Variants in SNTG1 observed in about 807,000 individuals in gnomAD.
The protein encoded by SNTG1 is gamma-1-syntrophin.
In SNTG1, 39 loss-of-function variants were observed where a neutral mutation model predicts 74.7. That is an observed-to-expected ratio of 0.52 (90% CI 0.40 to 0.68). SNTG1 has a LOEUF of 0.68. Among genes scored for constraint, SNTG1 ranks in the 30% least tolerant of loss-of-function variants. The pLI, the probability that SNTG1 is intolerant of heterozygous loss-of-function variation, is 0.00. For missense variants in SNTG1, 685 were observed against 609.5 expected (o/e 1.12, Z -1.30); for synonymous variants, 254 against 217.1 (o/e 1.17, Z -1.49).
chr8:50,075,771 A>C (rs1821813830), intron 1 of SNTG1, among the ~76,000 whole-genome samples: 1 of 152,180 alleles, frequency 6.6e-6, no homozygotes, highest in Admixed American at 6.5e-5. Context: ...ACCCCCTGGG[A>C]GGAATGAACA....
chr8:50,687,581 A>T (rs1374758241), intron 15 of SNTG1, among the ~76,000 whole-genome samples: 1 of 145,840 alleles, frequency 6.9e-6, no homozygotes, highest in Non-Finnish European at 1.5e-5. Flanking sequence ...TTCTTTTTTT[A>T]TTATTATAAT....
intron 12 of SNTG1, among the ~76,000 whole-genome samples, chr8:50,567,819 A>G (rs116355349): frequency 0.032 from 4,822 of 152,188 alleles, 122 homozygotes; most frequent in African/African-American, 0.058. Flanking sequence ...TTTTACAGTC[A>G]TTACATTAAA....
At chr8:50,399,895 T>G (rs1476464597) in intron 3 of SNTG1, among the ~76,000 whole-genome samples, 2 of 152,216 alleles carry the variant, frequency 1.3e-5, no homozygotes, top group Non-Finnish European at 2.9e-5. Context: ...AGCACTTGTG[T>G]GCTAATGCCA....
chr8:50,594,191 A>T (rs1237509171), intron 13 of SNTG1, among the ~76,000 whole-genome samples: 1 of 152,196 alleles, frequency 6.6e-6, no homozygotes, highest in Admixed American at 6.5e-5. Flanking sequence ...GTAAAGGCAT[A>T]TAGGCCCAGA....
At chr8:50,663,642 CT>C (rs952961720) in intron 15 of SNTG1, among the ~76,000 whole-genome samples, 1 of 152,182 alleles carries the variant, frequency 6.6e-6, no homozygotes, top group Non-Finnish European at 1.5e-5. Context: ...AAAAGACAAC[CT>C]GCATTTTCAA....
chr8:50,286,621 G>T (rs1043322582), intron 2 of SNTG1: 1 of 152,198 alleles, frequency 6.6e-6, no homozygotes, highest in African/African-American at 2.4e-5. Flanking sequence ...GAGCCGGGTT[G>T]TCGGCTTCAA....
chr8:50,660,349 AAAG>A (rs2095213483), intron 15 of SNTG1, among the ~76,000 whole-genome samples: 1 of 142,460 alleles, frequency 7.0e-6, no homozygotes, highest in South Asian at 2.4e-4. Flanking sequence ...AAAGAGAAAG[AAAG>A]AAAGAAAGAG....
chr8:50,645,369 G>T (rs1406663419), intron 13 of SNTG1, among the ~76,000 whole-genome samples: 1 of 151,716 alleles, frequency 6.6e-6, no homozygotes, highest in Non-Finnish European at 1.5e-5. Flanking sequence ...TTCCTAACTA[G>T]CCACCTAATG....
chr8:49,995,430 G>C (rs1221174551), intron 1 of SNTG1, among the ~76,000 whole-genome samples: 1 of 152,182 alleles, frequency 6.6e-6, no homozygotes, highest in Non-Finnish European at 1.5e-5. Flanking sequence ...GAGAACTGGA[G>C]AGAGTATTGA....
chr8:50,513,926 A>G (rs2094109227), intron 9 of SNTG1, among the ~76,000 whole-genome samples: 1 of 152,070 alleles, frequency 6.6e-6, no homozygotes, highest in South Asian at 2.1e-4. Context: ...ACTCTCCTGC[A>G]CCCACTTTTT....
chr8:49,956,464 T>C (rs79225859), intron 1 of SNTG1, among the ~76,000 whole-genome samples: 3,724 of 152,314 alleles, frequency 0.024, 148 homozygotes, highest in African/African-American at 0.082. Flanking sequence ...TAAGTAAGTT[T>C]GGTTCAGCTG....
intron 1 of SNTG1, among the ~76,000 whole-genome samples, chr8:50,145,738 T>C (rs868179880): frequency 6.6e-6 from 1 of 152,148 alleles, no homozygotes; most frequent in African/African-American, 2.4e-5. Flanking sequence ...AATTTCCTTA[T>C]TGTCAAAAGC....
intron 11 of SNTG1, among the ~76,000 whole-genome samples, chr8:50,539,246 C>A (rs528672986): frequency 5.3e-5 from 8 of 152,046 alleles, no homozygotes; most frequent in Non-Finnish European, 1.0e-4. Flanking sequence ...TCATCCTAGA[C>A]TTTTTGGATA....
At chr8:50,526,632 C>T (rs2094221982) in intron 9 of SNTG1, among the ~76,000 whole-genome samples, 1 of 106,228 alleles carries the variant, frequency 9.4e-6, no homozygotes, top group African/African-American at 3.8e-5. Flanking sequence ...TATACACAAA[C>T]ACATATATAC....
chr8:50,037,215 A>G (rs1472215578), intron 1 of SNTG1, among the ~76,000 whole-genome samples: 1 of 152,244 alleles, frequency 6.6e-6, no homozygotes, highest in Non-Finnish European at 1.5e-5. Flanking sequence ...AGTGCAGATC[A>G]TTAAAAAATA....
intron 13 of SNTG1, among the ~76,000 whole-genome samples, chr8:50,619,661 G>A (rs1563655271): frequency 2.0e-5 from 3 of 151,458 alleles, no homozygotes; most frequent in Non-Finnish European, 2.9e-5. Flanking sequence ...AACCCGGGAG[G>A]CGGAGGTTGC....
At chr8:50,467,591 A>G (rs573427736) in intron 8 of SNTG1, among the ~76,000 whole-genome samples, 1 of 151,780 alleles carries the variant, frequency 6.6e-6, no homozygotes, top group African/African-American at 2.4e-5. Flanking sequence ...AACAAGCATT[A>G]TGTTTCATTA....
At chr8:50,636,594 A>C (rs765524372) in intron 13 of SNTG1, among the ~76,000 whole-genome samples, 32 of 152,056 alleles carry the variant, frequency 2.1e-4, no homozygotes, top group Non-Finnish European at 3.8e-4. Context: ...TCCTTCCCCA[A>C]AGAGCACAGA....
chr8:50,619,831 A>G (rs1377424978), intron 13 of SNTG1, among the ~76,000 whole-genome samples: 2 of 149,572 alleles, frequency 1.3e-5, no homozygotes, highest in Non-Finnish European at 3.0e-5. Context: ...TTTTCCTTTC[A>G]TAGACTCCTG....
Sources: allele counts gnomAD v4.1 joint callset (sites outside exome capture counted in the v4.1 genomes callset), GRCh38; gene constraint gnomAD v4.1.1; transcripts MANE v1.5; gene names NCBI Gene and HGNC (gene_info 2026-07-23, HGNC 2026-07-21).